IFT140: variants seen among roughly 807,000 people sequenced by gnomAD.
IFT140 encodes the protein intraflagellar transport protein 140 homolog.
Under a neutral mutation model 164.6 loss-of-function variants are expected in IFT140, and 133 were observed. That is an observed-to-expected ratio of 0.81 (90% CI 0.70 to 0.93). IFT140 has a LOEUF of 0.93. IFT140 is among the 40% of genes least tolerant of loss of function. The probability of loss-of-function intolerance (pLI) is 0.00; values close to 1 mark genes in which losing one functional copy is unlikely to be tolerated. For missense variants in IFT140, 2,045 were observed against 1,972.3 expected (o/e 1.04, Z -0.70); for synonymous variants, 860 against 817.3 (o/e 1.05, Z -0.89).
At chr16:1,548,519 T>G (rs2032361623) in intron 19 of IFT140, among the ~76,000 whole-genome samples, 1 of 152,260 alleles carries the variant, frequency 6.6e-6, no homozygotes, top group Non-Finnish European at 1.5e-5. Context: ...GGGCAGAATT[T>G]CGTGTTTGCT....
rs1156644678 is a variant in IFT140 at position 1,584,432 on chromosome 16, G to A, written c.1156-12C>T. 6.3e-7 allele frequency: 1 copy of A among 1,588,978 alleles called. No individual in the cohort carries two copies. The highest frequency in any genetic ancestry group is 2.3e-5 in the East Asian group (1 of 44,034). On this transcript the variant is annotated splice_polypyrimidine_tract_variant and intron_variant, in intron 10 of 30. Transcript: ENST00000426508. ...TTCCTGGAACCCCACTTCATTTCCA[G>A]GTTGCAAGAGAAAGAACCAGATGTG...
chr16:1,516,050 G>A (rs372069462), intron 30 of IFT140, among the ~76,000 whole-genome samples: 1 of 147,706 alleles, frequency 6.8e-6, no homozygotes, highest in Admixed American at 7.0e-5. Flanking sequence ...TGAGGCAGGA[G>A]AATCACTTGA....
chr16:1,591,059 A>G (rs960138851), intron 6 of IFT140, among the ~76,000 whole-genome samples: 1 of 152,192 alleles, frequency 6.6e-6, no homozygotes, highest in Admixed American at 6.5e-5. Context: ...AGACACCAGT[A>G]TTACCCCCTT....
intron 1 of IFT140, among the ~76,000 whole-genome samples, chr16:1,611,722 G>A (rs2036323542): frequency 6.7e-6 from 1 of 148,638 alleles, no homozygotes; most frequent in African/African-American, 2.5e-5. Context: ...GCTGAGGCAG[G>A]AGAATCGCTT....
chr16:1,602,942 AAAACAAAC>A (rs538308407), intron 3 of IFT140, among the ~76,000 whole-genome samples: 4 of 152,292 alleles, frequency 2.6e-5, no homozygotes, highest in African/African-American at 7.2e-5. Flanking sequence ...TCTGTCTCCA[AAAACAAAC>A]AAACAAACAA....
intron 19 of IFT140, among the ~76,000 whole-genome samples, chr16:1,549,828 T>A (rs1457590890): frequency 6.6e-6 from 1 of 152,242 alleles, no homozygotes; most frequent in African/African-American, 2.4e-5. Flanking sequence ...CCCTGCCTGT[T>A]AGGCTTGCTG....
At chr16:1,609,613 G>A (rs992737284) in intron 2 of IFT140, among the ~76,000 whole-genome samples, 1 of 152,226 alleles carries the variant, frequency 6.6e-6, no homozygotes, top group Non-Finnish European at 1.5e-5. Flanking sequence ...AGCAAGGAGA[G>A]AGATTCTTCC....
Position 1,584,272 on chromosome 16 carries a change from C to T in IFT140, c.1304G>A (p.Gly435Glu), listed in dbSNP as rs201033016. 212 of 1,613,650 alleles carry T rather than the reference C, an allele frequency of 1.3e-4. No homozygotes were observed. The highest frequency in any genetic ancestry group is 1.7e-4 in the Non-Finnish European group (197 of 1,180,018). The change falls in exon 11 of 31, where the codon GGG becomes GAG. Residue 435 changes from glycine to glutamate, a missense_variant. Gly to Glu is a moderately conservative substitution (Grantham distance 98, BLOSUM62 -2). Transcript: ENST00000426508. ...SLLNVCFLST[G>E]VAHSLRTDMH... is the part of the protein sequence containing the mutation. ...GTCGGTGCGCAGGCTGTGTGCGACC[C>T]CCGTGGACAGGAAGCACACATTCAG...
In IFT140 at chr16:1,569,068, C is replaced by G. The variant is rs573329230; in HGVS notation, c.1653-734G>C. Among the ~76,000 whole-genome samples, 795 of 150,448 alleles carry G rather than the reference C, an allele frequency of 5.3e-3. 3 individuals carry two copies. The highest frequency in any genetic ancestry group is 8.3e-3 in the Non-Finnish European group (557 of 67,496). On this transcript the variant is annotated intron_variant, in intron 14 of 30. Transcript: ENST00000426508. ...TGCCCAGGCTGGAGTGCAGTGGCGC[C>G]ATCTCGGCTCACTGCAAGCTCCGCC... is the stretch of plus-strand genomic sequence containing the variant.
At chr16:1,527,913 G>A (rs2029893317) in intron 19 of IFT140, among the ~76,000 whole-genome samples, 1 of 152,228 alleles carries the variant, frequency 6.6e-6, no homozygotes, top group African/African-American at 2.4e-5. Context: ...TTCCCCTGCT[G>A]GCGCTGATCC....
At chr16:1,587,155 G>A (rs754965848) in intron 9 of IFT140, 43 bp downstream of exon 9, 12 of 1,226,868 alleles carry the variant, frequency 9.8e-6, no homozygotes, top group Non-Finnish European at 1.4e-5. Flanking sequence ...CACAATGCTT[G>A]TGGTTGGTTC....
At position 1,610,768 on chromosome 16, in the gene IFT140, C is replaced by T. The variant is rs2036295348; in HGVS notation, c.-136G>A. On this transcript the variant is annotated 5_prime_UTR_variant, in exon 2 of 31. Coordinates refer to ENST00000426508, the MANE Select transcript of IFT140 (RefSeq NM_014714.4). ...GGCGGCCCCGAGGACTCCCGAAGCG[C>T]CCCGAGCGGCCGGAAAGAGCCGAAG... The T allele has an allele frequency of 6.5e-6, 1 of 153,554 alleles. No individual in the cohort carries two copies. Among genetic ancestry groups the T allele is most frequent in the African/African-American group, 2.4e-5 (1 of 41,504 alleles). The allele number at this position is 153,554 out of a possible 1,614,324, so 9.5% of individuals were successfully genotyped here. A position where few individuals can be genotyped will look rare whatever the true frequency, so the allele number is the denominator to read the frequency against.
rs1412232012 is a variant in IFT140 at position 1,589,779 on chromosome 16, C to T, written c.636G>A (p.Gly212=). 1.2e-6 allele frequency: 2 copies of T among 1,611,378 alleles called. No homozygotes were observed. Among genetic ancestry groups the T allele is most frequent in the South Asian group, 1.1e-5 (1 of 91,034 alleles). Residue 212 remains glycine (G), a splice_region_variant and synonymous_variant, in exon 7 of 31, where the codon GGG becomes GGA. Transcript: ENST00000426508. ...GLLFFVSLMD[G]TVHYVDEKGK... ...CCTTCTCATCCACATAGTGCACTGT[C>T]CCTGGGGACAAACGTGGGGTCACTA...
At chr16:1,608,649 AAAG>A (rs1247459401) in intron 2 of IFT140, among the ~76,000 whole-genome samples, 5 of 151,474 alleles carry the variant, frequency 3.3e-5, no homozygotes, top group African/African-American at 9.7e-5. Context: ...AAAAAAAAAA[AAAG>A]AAACCCGAAC....
At chr16:1,552,125 TGA>T (rs2032698548) in intron 19 of IFT140, among the ~76,000 whole-genome samples, 1 of 152,058 alleles carries the variant, frequency 6.6e-6, no homozygotes, top group African/African-American at 2.4e-5. Context: ...AGAGGCCCCC[TGA>T]GATTTTAAAC....
At chr16:1,568,192 G>A in intron 15 of IFT140, 25 bp downstream of exon 15, 1 of 1,523,710 alleles carries the variant, frequency 6.6e-7, no homozygotes, top group Non-Finnish European at 8.9e-7. Context: ...GGCGGAGTGG[G>A]CGAGTGGACG....
At chr16:1,517,220 C>A (rs921700779) in intron 30 of IFT140, among the ~76,000 whole-genome samples, 1 of 151,940 alleles carries the variant, frequency 6.6e-6, no homozygotes, top group Non-Finnish European at 1.5e-5. Flanking sequence ...CATGCTGATG[C>A]ACACCTGTAG....
chr16:1,548,545 C>T (rs1438196239), intron 19 of IFT140, among the ~76,000 whole-genome samples: 4 of 152,246 alleles, frequency 2.6e-5, no homozygotes, highest in East Asian at 1.9e-4. Flanking sequence ...TCTTCCCTTA[C>T]ATTTGTTTCT....
At chr16:1,596,065 AAAACAAAC>A (rs761158836) in intron 4 of IFT140, among the ~76,000 whole-genome samples, 1 of 152,212 alleles carries the variant, frequency 6.6e-6, no homozygotes, top group African/African-American at 2.4e-5. Context: ...AAAACAAACA[AAAACAAAC>A]AAACAAACAA....
Sources: allele counts gnomAD v4.1 joint callset (sites outside exome capture counted in the v4.1 genomes callset), GRCh38; gene constraint gnomAD v4.1.1; transcripts MANE v1.5; gene names NCBI Gene and HGNC (gene_info 2026-07-23, HGNC 2026-07-21).